Variants in ATP6V1H observed in about 807,000 individuals in gnomAD.
The protein encoded by ATP6V1H is ATPase H+ transporting V1 subunit H, also known as V-type proton ATPase subunit H.
In ATP6V1H, 39 loss-of-function variants were observed where a neutral mutation model predicts 71.7. That is an observed-to-expected ratio of 0.54 (90% CI 0.42 to 0.71). The LOEUF (loss-of-function observed/expected upper bound fraction) is 0.71. Among genes scored for constraint, ATP6V1H ranks in the 30% least tolerant of loss-of-function variants. The pLI, the probability that ATP6V1H is intolerant of heterozygous loss-of-function variation, is 0.00. For missense variants in ATP6V1H, 509 were observed against 594.9 expected (o/e 0.86, Z 1.50); for synonymous variants, 192 against 199.3 (o/e 0.96, Z 0.31).
intron 11 of ATP6V1H, among the ~76,000 whole-genome samples, chr8:53,762,140 C>T (rs1209117703): frequency 6.6e-6 from 1 of 152,068 alleles, no homozygotes; most frequent in African/African-American, 2.4e-5. Flanking sequence ...ATTTCCAGTG[C>T]TCTTTAGTGA....
chr8:53,830,809 A>G (rs1810981075), intron 3 of ATP6V1H, among the ~76,000 whole-genome samples: 1 of 152,192 alleles, frequency 6.6e-6, no homozygotes, highest in South Asian at 2.1e-4. Flanking sequence ...TCTTATTAAC[A>G]CACATCCCCA....
At chr8:53,750,871 T>C (rs1006190028) in intron 12 of ATP6V1H, among the ~76,000 whole-genome samples, 17 of 152,322 alleles carry the variant, frequency 1.1e-4, no homozygotes, top group African/African-American at 3.8e-4. Flanking sequence ...ACACTTTACT[T>C]GACAATTGAA....
At chr8:53,808,621 T>A (rs1329934577) in intron 7 of ATP6V1H, among the ~76,000 whole-genome samples, 3 of 151,918 alleles carry the variant, frequency 2.0e-5, no homozygotes, top group African/African-American at 7.3e-5. Context: ...ACAAAAAAAA[T>A]TAGCGGGGCA....
chr8:53,827,222 A>C (rs1476112589), intron 4 of ATP6V1H, among the ~76,000 whole-genome samples: 3 of 151,794 alleles, frequency 2.0e-5, no homozygotes, highest in Non-Finnish European at 4.4e-5. Flanking sequence ...GTCTCTACTA[A>C]AAACACAAAA....
chr8:53,780,170 A>C (rs1318240309), intron 9 of ATP6V1H, among the ~76,000 whole-genome samples: 4 of 152,064 alleles, frequency 2.6e-5, no homozygotes, highest in Admixed American at 6.5e-5. Flanking sequence ...AAAAAAAAAA[A>C]AAAAAAGACA....
At chr8:53,737,439 C>G (rs1251531825) in intron 13 of ATP6V1H, among the ~76,000 whole-genome samples, 1 of 152,200 alleles carries the variant, frequency 6.6e-6, no homozygotes, top group Non-Finnish European at 1.5e-5. Context: ...GAAATGTTTT[C>G]TCAGAATACA....
chr8:53,817,443 G>T lies in ATP6V1H; in HGVS notation c.394C>A (p.Arg132Ser). ...ATATGAACAGTGAAGGGATCCTGGC[G>T]ATTCAACATTGGCAGAAAGTAGGGC... The part of the protein sequence containing the change: ...AWPYFLPMLN[R>S]QDPFTVHMAA... Residue 132 changes from arginine to serine, a missense_variant, in exon 5 of 14, where the codon CGC (arginine) becomes AGC (serine). Around this residue, in one of 2 missense-constraint regions of ATP6V1H, gnomAD observed 297 missense variants for 303.3 expected, o/e 0.98. Coordinates refer to ENST00000359530, the MANE Select transcript of ATP6V1H (RefSeq NM_015941.4). 6.2e-7 allele frequency: 1 copy of T among 1,612,668 alleles called. No individual in the cohort carries two copies. The highest frequency in any genetic ancestry group is 1.1e-5 in the South Asian group (1 of 91,012).
intron 7 of ATP6V1H, among the ~76,000 whole-genome samples, chr8:53,802,472 A>G (rs946862949): frequency 2.0e-5 from 3 of 152,214 alleles, no homozygotes; most frequent in African/African-American, 7.2e-5. Flanking sequence ...TAATCCTACC[A>G]CTTTGGGAGG....
Position 53,765,681 on chromosome 8 carries a change from T to C in ATP6V1H, c.1175+3937A>G, listed in dbSNP as rs74881490. 2.3e-3 allele frequency among the ~76,000 whole-genome samples: 352 copies of C among 152,316 alleles called. 7 individuals are homozygous for C. The East Asian group carries it at 0.054, about 24-fold the overall frequency. On this transcript the variant is annotated intron_variant, in intron 11 of 13. Transcript: ENST00000359530. ...CACGTTCACAAGTAGAAAGACTCTA[T>C]ACTGTCAAGATATCAACTGTTCCCA...
chr8:53,768,072 A>G (rs1327092350), intron 11 of ATP6V1H, among the ~76,000 whole-genome samples: 1 of 152,216 alleles, frequency 6.6e-6, no homozygotes, highest in Non-Finnish European at 1.5e-5. Context: ...TATATGAAGA[A>G]CCCCTACAAC....
At chr8:53,759,796 T>C (rs1808202300) in intron 11 of ATP6V1H, among the ~76,000 whole-genome samples, 1 of 152,182 alleles carries the variant, frequency 6.6e-6, no homozygotes, top group African/African-American at 2.4e-5. Flanking sequence ...ATTTCAAAAC[T>C]ACTAACATAC....
chr8:53,838,082 A>G (rs1225040734), intron 2 of ATP6V1H, among the ~76,000 whole-genome samples: 1 of 150,992 alleles, frequency 6.6e-6, no homozygotes, highest in Non-Finnish European at 1.5e-5. Context: ...CTCCCTTCCT[A>G]GATAACTCCA....
At chr8:53,762,542 A>G (rs1372366234) in intron 11 of ATP6V1H, among the ~76,000 whole-genome samples, 5 of 152,226 alleles carry the variant, frequency 3.3e-5, no homozygotes, top group Non-Finnish European at 7.3e-5. Context: ...AAGAACAGGC[A>G]TGCTCATGCT....
chr8:53,788,480 A>G (rs1225571062), intron 9 of ATP6V1H, among the ~76,000 whole-genome samples: 1 of 152,256 alleles, frequency 6.6e-6, no homozygotes, highest in East Asian at 1.9e-4. Flanking sequence ...TAACTTAGCA[A>G]GAATCCAACT....
At chr8:53,760,859 A>T (rs1186838477) in intron 11 of ATP6V1H, among the ~76,000 whole-genome samples, 2 of 152,194 alleles carry the variant, frequency 1.3e-5, no homozygotes, top group Non-Finnish European at 2.9e-5. Flanking sequence ...AACAGAAATC[A>T]GCTACACTTT....
chr8:53,766,458 A>C (rs1808470157), intron 11 of ATP6V1H, among the ~76,000 whole-genome samples: 1 of 152,208 alleles, frequency 6.6e-6, no homozygotes, highest in Admixed American at 6.5e-5. Flanking sequence ...AGCATTATGA[A>C]ATGTGGGCAC....
chr8:53,753,346 A>G (rs1437183891), intron 12 of ATP6V1H, among the ~76,000 whole-genome samples: 1 of 152,236 alleles, frequency 6.6e-6, no homozygotes, highest in East Asian at 1.9e-4. Flanking sequence ...ACTGCAGCAG[A>G]TATTGGTGAT....
chr8:53,775,396 T>G (rs1338142872), intron 9 of ATP6V1H, among the ~76,000 whole-genome samples: 1 of 152,184 alleles, frequency 6.6e-6, no homozygotes, highest in Non-Finnish European at 1.5e-5. Context: ...GGCAGCCTGC[T>G]TTTATTCTCT....
rs192510148 is a variant in ATP6V1H at position 53,831,248 on chromosome 8, G to T, written c.217-1715C>A. ...CCTAGAGTGTACTTACACAAACCCA[G>T]ATGGTAGTGTCTACTACATACCTAG... On this transcript the variant is annotated intron_variant, in intron 3 of 13. Coordinates refer to ENST00000359530, the MANE Select transcript of ATP6V1H (RefSeq NM_015941.4). 2.3e-3 allele frequency among the ~76,000 whole-genome samples: 344 copies of T among 152,296 alleles called. 2 individuals carry two copies. The highest frequency in any genetic ancestry group is 7.9e-3 in the African/African-American group (327 of 41,562).
Sources: allele counts gnomAD v4.1 joint callset (sites outside exome capture counted in the v4.1 genomes callset), GRCh38; gene constraint gnomAD v4.1.1; regional missense constraint gnomAD v4.1.1; transcripts MANE v1.5; gene names NCBI Gene and HGNC (gene_info 2026-07-23, HGNC 2026-07-21).